ARHGAP15: variants seen among roughly 807,000 people sequenced by gnomAD.
ARHGAP15 encodes the protein Rho GTPase activating protein 15, also known as rho GTPase-activating protein 15.
A neutral mutation model predicts 63.7 loss-of-function variants in ARHGAP15; 51 were observed. The observed-to-expected ratio is 0.80, with a 90% CI of 0.64 to 1.01. ARHGAP15 has a LOEUF of 1.01. ARHGAP15 is among the 50% of genes least tolerant of loss of function. The probability of loss-of-function intolerance (pLI) is 0.00; values close to 1 mark genes in which losing one functional copy is unlikely to be tolerated. For synonymous variants in ARHGAP15, 191 were observed against 193.8 expected, an observed-to-expected ratio of 0.99 and a Z score of 0.12; for missense variants, 560 against 564.6, an observed-to-expected ratio of 0.99 and a Z score of 0.08.
chr2:143,244,046 C>T (rs956240258), intron 5 of ARHGAP15, among the ~76,000 whole-genome samples: 1 of 152,004 alleles, frequency 6.6e-6, no homozygotes, highest in Non-Finnish European at 1.5e-5. Context: ...AATATTATTC[C>T]ATATGTACTT....
Position 143,413,966 on chromosome 2 carries a change from T to TGTGTGTGTGCGCGCGCGCGCGCGCGC in ARHGAP15, c.475-21634_475-21633insTGTGTGTGCGCGCGCGCGCGCGCGCG. ...GTGTGTGTGTGTGTGTGTGTGTGTGTGCGCGCTCTCTGGCAGAAAGTTAAT... is the reference window on the plus strand; with the variant it reads ...GTGTGTGTGTGTGTGTGTGTGTGTGTGTGTGTGTGCGCGCGCGCGCGCGCGCGCGCGCTCTCTGGCAGAAAGTTAAT... On this transcript the variant is annotated intron_variant, in intron 6 of 13. Coordinates refer to ENST00000295095, the MANE Select transcript of ARHGAP15 (RefSeq NM_018460.4). Among the ~76,000 whole-genome samples, 57 of 117,910 alleles carry TGTGTGTGTGCGCGCGCGCGCGCGCGC rather than the reference T, an allele frequency of 4.8e-4. 2 individuals are homozygous for TGTGTGTGTGCGCGCGCGCGCGCGCGC. Among genetic ancestry groups the TGTGTGTGTGCGCGCGCGCGCGCGCGC allele is most frequent in the South Asian group, 4.2e-3 (13 of 3,110 alleles). 77.4% of individuals were successfully genotyped at this position (117,910 alleles called of 152,430 possible).
At chr2:143,296,906 A>C (rs1206509263) in intron 6 of ARHGAP15, among the ~76,000 whole-genome samples, 1 of 151,938 alleles carries the variant, frequency 6.6e-6, no homozygotes, top group East Asian at 1.9e-4. Flanking sequence ...TTGTGAGAAA[A>C]TGCAGTATTT....
intron 6 of ARHGAP15, among the ~76,000 whole-genome samples, chr2:143,388,659 AATG>A (rs1687404735): frequency 6.6e-6 from 1 of 152,170 alleles, no homozygotes. Flanking sequence ...CAATGCCTAT[AATG>A]ATTCTTCACT....
chr2:143,500,400 T>A (rs1693003861), intron 9 of ARHGAP15, among the ~76,000 whole-genome samples: 1 of 152,058 alleles, frequency 6.6e-6, no homozygotes, highest in Admixed American at 6.6e-5. Flanking sequence ...TTTAAAAAAA[T>A]TGAATCATTG....
chr2:143,497,632 TG>T (rs1559010808), intron 9 of ARHGAP15, among the ~76,000 whole-genome samples: 2 of 151,914 alleles, frequency 1.3e-5, no homozygotes, highest in Admixed American at 6.6e-5. Context: ...AAGCCAGTGC[TG>T]GATGCTGCTT....
chr2:143,257,950 TG>T (rs1226116275), intron 6 of ARHGAP15, among the ~76,000 whole-genome samples: 1 of 152,170 alleles, frequency 6.6e-6, no homozygotes, highest in East Asian at 1.9e-4. Context: ...TTTTCATATC[TG>T]TTTCAATATC....
chr2:143,276,601 A>T (rs1234613108), intron 6 of ARHGAP15, among the ~76,000 whole-genome samples: 1 of 151,984 alleles, frequency 6.6e-6, no homozygotes, highest in South Asian at 2.1e-4. Flanking sequence ...CTCTCATTAC[A>T]TTTTGCATCT....
At chr2:143,732,285 T>G (rs1685569194) in intron 13 of ARHGAP15, among the ~76,000 whole-genome samples, 1 of 152,188 alleles carries the variant, frequency 6.6e-6, no homozygotes, top group Admixed American at 6.5e-5. Context: ...GAATAAAATT[T>G]GGCCCAAATC....
At chr2:143,153,136 GAAGCA>G (rs1558778662) in intron 1 of ARHGAP15, among the ~76,000 whole-genome samples, 1 of 151,862 alleles carries the variant, frequency 6.6e-6, no homozygotes, top group African/African-American at 2.4e-5. Flanking sequence ...AGCTTCTGAG[GAAGCA>G]ACATGTCCTA....
At chr2:143,603,532 A>G (rs943904263) in intron 11 of ARHGAP15, among the ~76,000 whole-genome samples, 18 of 152,096 alleles carry the variant, frequency 1.2e-4, no homozygotes, top group African/African-American at 4.1e-4. Context: ...TTTTTCAACT[A>G]GGGAGATCGG....
At chr2:143,542,850 T>TG (rs1695161863) in intron 10 of ARHGAP15, among the ~76,000 whole-genome samples, 1 of 142,928 alleles carries the variant, frequency 7.0e-6, no homozygotes, top group Non-Finnish European at 1.5e-5. Context: ...ATATATGATA[T>TG]ATATAATATC....
chr2:143,219,727 C>T (rs879010741), intron 4 of ARHGAP15, among the ~76,000 whole-genome samples: 2 of 152,190 alleles, frequency 1.3e-5, no homozygotes, highest in Non-Finnish European at 2.9e-5. Context: ...TTTATCAGCA[C>T]GTAGCATCAT....
intron 6 of ARHGAP15, among the ~76,000 whole-genome samples, chr2:143,432,405 C>T (rs1689427889): frequency 6.6e-6 from 1 of 151,964 alleles, no homozygotes; most frequent in East Asian, 1.9e-4. Context: ...CTTCTTAAAA[C>T]TCTTTTAAGA....
intron 10 of ARHGAP15, among the ~76,000 whole-genome samples, chr2:143,552,252 A>G (rs1373222389): frequency 6.6e-6 from 1 of 152,200 alleles, no homozygotes; most frequent in Non-Finnish European, 1.5e-5. Flanking sequence ...CTTTCAGGAC[A>G]CACCACTCAA....
intron 11 of ARHGAP15, among the ~76,000 whole-genome samples, chr2:143,610,870 A>C (rs1158497237): frequency 2.6e-5 from 4 of 152,002 alleles, no homozygotes; most frequent in African/African-American, 9.7e-5. Flanking sequence ...CTGGGACTAC[A>C]GGCACGCACC....
intron 6 of ARHGAP15, among the ~76,000 whole-genome samples, chr2:143,394,188 T>C (rs1293819695): frequency 6.6e-6 from 1 of 152,172 alleles, no homozygotes; most frequent in East Asian, 1.9e-4. Flanking sequence ...TTAACTTCCA[T>C]ACAACTTTAA....
Position 143,387,841 on chromosome 2 carries a change from G to GCA in ARHGAP15, c.475-47750_475-47749dup, listed in dbSNP as rs79334789. On this transcript the variant is annotated intron_variant, in intron 6 of 13. Coordinates refer to ENST00000295095, the MANE Select transcript of ARHGAP15 (RefSeq NM_018460.4). ...TACACATACACACACACGCATGCAAGCACACACACACGCATGGACGCACAT... is the reference window on the plus strand; with the variant it reads ...TACACATACACACACACGCATGCAAGCACACACACACACGCATGGACGCACAT... Among the ~76,000 whole-genome samples, 444 of 149,784 alleles carry GCA rather than the reference G, an allele frequency of 3.0e-3. 4 individuals carry two copies. The highest frequency in any genetic ancestry group is 0.011 in the African/African-American group (426 of 40,078).
At chr2:143,400,169 T>C (rs16822448) in intron 6 of ARHGAP15, among the ~76,000 whole-genome samples, 8,113 of 152,106 alleles carry the variant, frequency 0.053, 293 homozygotes, top group East Asian at 0.14. Context: ...TTCAGTGTTA[T>C]ATTTTTTTAA....
chr2:143,164,455 G>T (rs1690422519), intron 2 of ARHGAP15, among the ~76,000 whole-genome samples: 1 of 151,892 alleles, frequency 6.6e-6, no homozygotes. Flanking sequence ...TTGAGGTGAT[G>T]GATTTTTATG....
Sources: allele counts gnomAD v4.1 joint callset (sites outside exome capture counted in the v4.1 genomes callset), GRCh38; gene constraint gnomAD v4.1.1; transcripts MANE v1.5; gene names NCBI Gene and HGNC (gene_info 2026-07-23, HGNC 2026-07-21).